The following TSGA10 variants were observed in gnomAD, a reference collection of about 807,000 sequenced individuals.
TSGA10 encodes the protein testis-specific gene 10 protein.
A neutral mutation model predicts 96.6 loss-of-function variants in TSGA10; 43 were observed. That is an observed-to-expected ratio of 0.44 (90% CI 0.35 to 0.57). The LOEUF is 0.57. Among genes scored for constraint, TSGA10 ranks in the 20% least tolerant of loss-of-function variants. TSGA10 has a pLI of 0.01. For missense variants in TSGA10, 703 were observed against 834.4 expected (o/e 0.84, Z 1.94); for synonymous variants, 229 against 269.9 (o/e 0.85, Z 1.48).
At chr2:99,103,866 G>T in intron 10 of TSGA10, 101 bp downstream of exon 10, 1 of 1,387,240 alleles carries the variant, frequency 7.2e-7, no homozygotes, top group Non-Finnish European at 9.7e-7. Flanking sequence ...AATCCTCTCA[G>T]AAACTGAACT....
chr2:99,035,906 T>C (rs2081580313), intron 16 of TSGA10, among the ~76,000 whole-genome samples: 1 of 152,092 alleles, frequency 6.6e-6, no homozygotes, highest in Non-Finnish European at 1.5e-5. Context: ...TGTCATAAAA[T>C]GAAAACTGAT....
chr2:99,131,797 G>A (rs1490464452), intron 1 of TSGA10, among the ~76,000 whole-genome samples: 11 of 152,062 alleles, frequency 7.2e-5, no homozygotes, highest in East Asian at 1.9e-4. Flanking sequence ...ACATTCCATC[G>A]ATACCTAGTT....
intron 1 of TSGA10, among the ~76,000 whole-genome samples, chr2:99,137,522 G>A (rs1253776763): frequency 2.0e-5 from 3 of 152,046 alleles, no homozygotes; most frequent in Non-Finnish European, 4.4e-5. Flanking sequence ...GGAAGCCATT[G>A]GTGTATTTTT....
At chr2:99,077,167 G>T in intron 12 of TSGA10, among the ~76,000 whole-genome samples, 1 of 94,954 alleles carries the variant, frequency 1.1e-5, no homozygotes, top group Non-Finnish European at 1.9e-5. Context: ...TTGAGACAGA[G>T]TCTTGCTCTG....
chr2:99,022,459 G>A (rs1198707134), intron 17 of TSGA10, among the ~76,000 whole-genome samples: 2 of 151,640 alleles, frequency 1.3e-5, no homozygotes, highest in African/African-American at 4.8e-5. Flanking sequence ...ATGTGTATGC[G>A]GTCTTTTGTG....
chr2:99,081,160 T>G, intron 11 of TSGA10, 122 bp downstream of exon 11: 1 of 456,112 alleles, frequency 2.2e-6, no homozygotes, highest in Non-Finnish European at 3.9e-6. Context: ...CTATTTTTTA[T>G]TCATAAACTT....
chr2:99,073,137 T>C, intron 12 of TSGA10, 64 bp from the exon 13 acceptor site: 2 of 1,140,328 alleles, frequency 1.8e-6, no homozygotes, highest in African/African-American at 1.6e-5. Flanking sequence ...TAAAATTGAA[T>C]GAACAAAAAG....
chr2:99,018,717 T>C lies in TSGA10; in HGVS notation c.1818-77A>G. ...TGATTCTGGGGTACATGAAACCATA[T>C]TGATAGTGGTTTCTCAGCTGGATCC... On this transcript the variant is annotated intron_variant, in intron 18 of 20. Coordinates refer to ENST00000393483, the MANE Select transcript of TSGA10 (RefSeq NM_025244.4). The C allele has an allele frequency of 4.1e-6, 5 of 1,227,282 alleles. No homozygotes were observed. The South Asian group carries it at 6.1e-5, about 15-fold the overall frequency. 76.0% of individuals were successfully genotyped at this position (1,227,282 alleles called of 1,614,324 possible).
intron 14 of TSGA10, among the ~76,000 whole-genome samples, chr2:99,069,920 G>A (rs990056853): frequency 6.6e-6 from 1 of 151,750 alleles, no homozygotes; most frequent in African/African-American, 2.4e-5. Context: ...AAAAAATCGT[G>A]CTAAAACACA....
intron 20 of TSGA10, among the ~76,000 whole-genome samples, chr2:99,002,862 CTT>C (rs61204458): frequency 2.4e-4 from 35 of 143,656 alleles, no homozygotes; most frequent in African/African-American, 6.4e-4. Flanking sequence ...ATAAAACAAA[CTT>C]TTTTTTTTTT....
In TSGA10 at chr2:99,086,079, T is replaced by G. The variant is rs139189303; in HGVS notation, c.612-4682A>C. ...AACAATTGGTGCTAAAACAACTGCA[T>G]TGCCCTGAGTGATGAAATATTCTGT... On this transcript the variant is annotated intron_variant, in intron 10 of 20. Transcript: ENST00000393483. Among the ~76,000 whole-genome samples the G allele has an allele frequency of 7.9e-5, 12 of 152,280 alleles. 1 individual carries two copies. In the East Asian group the frequency reaches 2.3e-3, roughly 29 times the overall value.
At chr2:99,096,736 A>T (rs1330707784) in intron 10 of TSGA10, among the ~76,000 whole-genome samples, 1 of 152,224 alleles carries the variant, frequency 6.6e-6, no homozygotes, top group Non-Finnish European at 1.5e-5. Context: ...AGACTTTGCT[A>T]TCTAAGCATA....
At chr2:99,055,677 A>T (rs2104393559) in intron 16 of TSGA10, among the ~76,000 whole-genome samples, 1 of 151,746 alleles carries the variant, frequency 6.6e-6, no homozygotes, top group South Asian at 2.1e-4. Flanking sequence ...AGAGAGAGGG[A>T]GAGAGAGAGA....
intron 10 of TSGA10, among the ~76,000 whole-genome samples, chr2:99,096,109 ACT>A (rs1213656690): frequency 1.3e-5 from 2 of 152,240 alleles, no homozygotes; most frequent in East Asian, 3.8e-4. Context: ...TAACTTTATT[ACT>A]GTCATTTATA....
At chr2:99,057,620 C>T (rs1309884100) in intron 16 of TSGA10, among the ~76,000 whole-genome samples, 2 of 152,118 alleles carry the variant, frequency 1.3e-5, no homozygotes, top group East Asian at 1.9e-4. Context: ...CGAAACTACA[C>T]CTTGTGTTCA....
intron 10 of TSGA10, among the ~76,000 whole-genome samples, chr2:99,085,883 G>C (rs1331044411): frequency 6.6e-6 from 1 of 152,058 alleles, no homozygotes; most frequent in Non-Finnish European, 1.5e-5. Context: ...AATAAATGTA[G>C]AAGACTTACC....
At chr2:99,024,412 C>G (rs999428076) in intron 17 of TSGA10, among the ~76,000 whole-genome samples, 1 of 151,874 alleles carries the variant, frequency 6.6e-6, no homozygotes, top group East Asian at 1.9e-4. Flanking sequence ...TTAATGCTAC[C>G]CTTTTTGATG....
At chr2:99,077,127 CTTTTTT>C (rs35876721) in intron 12 of TSGA10, among the ~76,000 whole-genome samples, 2 of 70,432 alleles carry the variant, frequency 2.8e-5, no homozygotes, top group African/African-American at 5.7e-5. Flanking sequence ...GACCATTCAC[CTTTTTT>C]TTTTTTTTTT....
At chr2:99,146,542 C>T (rs1353154204) in intron 1 of TSGA10, among the ~76,000 whole-genome samples, 2 of 152,138 alleles carry the variant, frequency 1.3e-5, no homozygotes, top group African/African-American at 4.8e-5. Flanking sequence ...TTCAAGAAAT[C>T]TTTCTTCACT....
Sources: allele counts gnomAD v4.1 joint callset (sites outside exome capture counted in the v4.1 genomes callset), GRCh38; gene constraint gnomAD v4.1.1; transcripts MANE v1.5; gene names NCBI Gene and HGNC (gene_info 2026-07-23, HGNC 2026-07-21).